UNC45A: variants seen among roughly 807,000 people sequenced by gnomAD.
The protein encoded by UNC45A is protein unc-45 homolog A.
Under a neutral mutation model 103.2 loss-of-function variants are expected in UNC45A, and 78 were observed. The observed-to-expected ratio is 0.76, with a 90% CI of 0.63 to 0.91. UNC45A has a LOEUF of 0.91. Among genes scored for constraint, UNC45A ranks in the 40% least tolerant of loss-of-function variants. UNC45A has a pLI of 0.00. For synonymous variants in UNC45A, 495 were observed against 504.6 expected (o/e 0.98, Z 0.25); for missense variants, 1,193 against 1,224.8 (o/e 0.97, Z 0.39).
intron 13 of UNC45A, among the ~76,000 whole-genome samples, 200 bp downstream of exon 13, chr15:90,948,994 A>T (rs542962985): frequency 6.8e-6 from 1 of 147,850 alleles, no homozygotes; most frequent in Admixed American, 7.0e-5. Flanking sequence ...CTCCTGCCTC[A>T]GCCTCCCGAG....
intron 7 of UNC45A, 44 bp downstream of exon 7, chr15:90,942,649 G>A (rs1276809997): frequency 6.2e-7 from 1 of 1,613,346 alleles, no homozygotes. Flanking sequence ...TTACTGTCAT[G>A]GAAGGGATGG....
At chr15:90,938,672 T>G (rs2036137418) in intron 4 of UNC45A, among the ~76,000 whole-genome samples, 1 of 151,972 alleles carries the variant, frequency 6.6e-6, no homozygotes, top group South Asian at 2.1e-4. Context: ...AGATTATTTA[T>G]TTATTTATTT....
intron 15 of UNC45A, 149 bp from the exon 16 acceptor site, chr15:90,950,005 G>C (rs1371216281): frequency 2.7e-6 from 2 of 742,360 alleles, no homozygotes; most frequent in Non-Finnish European, 4.4e-6. Flanking sequence ...AGGTGTTTCA[G>C]GAAGTGTTTG....
In UNC45A at chr15:90,935,565, C is replaced by T. The variant is rs765967641; in HGVS notation, c.73C>T (p.Arg25Trp). Residue 25 changes from arginine (R) to tryptophan (W), a missense_variant, in exon 2 of 20, where the codon CGG becomes TGG. Transcript: ENST00000418476. ...TPGASSVEQL[R>W]KEGNELFKCG... is the part of the protein sequence containing the mutation. ...ACAGGCCAGCTCAGTGGAGCAGCTG[C>T]GGAAGGAGGGCAATGAGCTGTTCAA... 6.2e-6 allele frequency: 10 copies of T among 1,609,192 alleles called. No homozygotes were observed. The highest frequency in any genetic ancestry group is 2.2e-5 in the East Asian group (1 of 44,860).
chr15:90,936,216 C>T (rs1016229921), intron 3 of UNC45A, 69 bp from the exon 4 acceptor site: 2 of 1,549,090 alleles, frequency 1.3e-6, no homozygotes, highest in Non-Finnish European at 1.7e-6. Flanking sequence ...TCCTCGAGAT[C>T]TTTCCCTACT....
At chr15:90,931,220 C>A, upstream of UNC45A, 1 of 1,542,322 alleles carries the variant, frequency 6.5e-7, no homozygotes, top group East Asian at 2.5e-5. Context: ...GCGTATGAAT[C>A]CTGTCCGGCC....
Position 90,935,335 on chromosome 15 carries a change from G to C in UNC45A, c.11G>C (p.Ser4Thr), listed in dbSNP as rs773299655. The C allele has an allele frequency of 1.2e-6, 2 of 1,604,666 alleles. No homozygotes were observed. The highest frequency in any genetic ancestry group is 1.7e-6 in the Non-Finnish European group (2 of 1,177,032). ...GACAACCTCTCCGCGATGACTGTGA[G>C]TGGTCCAGGGACCCCCGAGCCCCGG... MTV[S>T]GPGTPEPRPA... Residue 4 changes from serine to threonine, a missense_variant, in exon 1 of 20, where the codon AGT (serine) becomes ACT (threonine). Coordinates refer to ENST00000418476, the MANE Select transcript of UNC45A (RefSeq NM_018671.5).
intron 11 of UNC45A, 69 bp from the exon 12 acceptor site, chr15:90,948,073 C>G: frequency 6.3e-7 from 1 of 1,596,622 alleles, no homozygotes; most frequent in South Asian, 1.1e-5. Flanking sequence ...TGGTTTTTCC[C>G]CCTTGGCCTT....
upstream of UNC45A, chr15:90,931,387 A>G: frequency 6.4e-7 from 1 of 1,566,668 alleles, no homozygotes; most frequent in East Asian, 2.4e-5. Context: ...GTATTCCTGG[A>G]CTCGATGTTC....
chr15:90,932,460 G>T (rs2035836526), upstream of UNC45A: 1 of 1,334,734 alleles, frequency 7.5e-7, no homozygotes, highest in East Asian at 2.9e-5. Context: ...GGGTCCCCTC[G>T]GGGTCCTTCC....
chr15:90,934,009 C>T, upstream of UNC45A: 1 of 399,020 alleles, frequency 2.5e-6, no homozygotes, highest in Non-Finnish European at 4.4e-6. Context: ...TTGGGGTTCC[C>T]AGGACCAGGA....
chr15:90,935,414 C>T (rs2035955774), intron 1 of UNC45A, 39 bp downstream of exon 1: 2 of 1,584,422 alleles, frequency 1.3e-6, no homozygotes, highest in Non-Finnish European at 1.7e-6. Context: ...CCTTCGCACC[C>T]GCCCTGACCA....
upstream of UNC45A, chr15:90,932,674 C>T (rs2035848239): frequency 2.1e-6 from 1 of 470,986 alleles, no homozygotes. Flanking sequence ...CAGATGAATT[C>T]CTCTGGAGCT....
At chr15:90,947,954 G>GA (rs1393102826) in intron 11 of UNC45A, 64 bp downstream of exon 11, 124 of 1,507,056 alleles carry the variant, frequency 8.2e-5, no homozygotes, top group Non-Finnish European at 1.1e-4. Context: ...ACAGGGGTCT[G>GA]GGTGGGGGTT....
rs755716375 is a variant in UNC45A at position 90,953,628 on chromosome 15, A to C, written c.2747A>C (p.Asp916Ala). 2 of 1,614,108 alleles carry C rather than the reference A, an allele frequency of 1.2e-6. No individual in the cohort carries two copies. The highest frequency in any genetic ancestry group is 8.5e-7 in the Non-Finnish European group (1 of 1,180,026). The change falls in exon 20 of 20, where the codon GAC becomes GCC. Residue 916 changes from aspartate (D) to alanine (A), a missense_variant. By Grantham distance (126) the Asp-to-Ala change is moderately radical. Transcript: ENST00000418476. ...MEILSVLAKGDHSPVTRAAAA... is the reference protein window; with the variant it reads ...MEILSVLAKGAHSPVTRAAAA... ...ATCTTGTCAGTGCTAGCTAAGGGTG[A>C]CCACAGCCCTGTCACAAGGGCTGCT...
intron 13 of UNC45A, 75 bp from the exon 14 acceptor site, chr15:90,949,241 T>C (rs1241322549): frequency 2.6e-6 from 4 of 1,539,272 alleles, no homozygotes; most frequent in African/African-American, 2.7e-5. Context: ...AGTTCCTCAA[T>C]TACTGCTGTG....
At chr15:90,938,833 G>A (rs1206385782) in intron 4 of UNC45A, among the ~76,000 whole-genome samples, 5 of 151,814 alleles carry the variant, frequency 3.3e-5, no homozygotes, top group African/African-American at 1.2e-4. Flanking sequence ...CACCACACCT[G>A]GCTAATTTTT....
At position 90,935,648 on chromosome 15, in the gene UNC45A, G is replaced by C. The variant is rs773576482; in HGVS notation, c.156G>C (p.Ala52=). The C allele has an allele frequency of 1.2e-5, 20 of 1,607,798 alleles. 1 individual carries two copies. The Admixed American group carries it at 3.4e-4, about 27-fold the overall frequency. ...AAYTQALGLD[A]TPQDQAVLHR... The stretch of plus-strand genomic sequence containing the variant: ...ACACTCAGGCCCTGGGTCTGGACGC[G>C]ACGCCCCAGGACCAGGCCGTTCTGC... Residue 52 remains alanine (A), a synonymous_variant, in exon 2 of 20, where the codon GCG becomes GCC. Transcript: ENST00000418476.
At chr15:90,936,542 A>C in intron 4 of UNC45A, 82 bp downstream of exon 4, 1 of 1,487,988 alleles carries the variant, frequency 6.7e-7, no homozygotes, top group Non-Finnish European at 9.0e-7. Flanking sequence ...AGTTCTCCAG[A>C]CGAGATCCCG....
Sources: allele counts gnomAD v4.1 joint callset (sites outside exome capture counted in the v4.1 genomes callset), GRCh38; gene constraint gnomAD v4.1.1; transcripts MANE v1.5; gene names NCBI Gene and HGNC (gene_info 2026-07-23, HGNC 2026-07-21).